Variants in ITSN1 observed in about 807,000 individuals in gnomAD.
ITSN1 encodes intersectin-1.
Under a neutral mutation model 239.8 loss-of-function variants are expected in ITSN1, and 58 were observed. The ratio of observed to expected loss-of-function variants is 0.24; its 90% CI spans 0.20 to 0.30. The LOEUF (loss-of-function observed/expected upper bound fraction) is 0.30. ITSN1 is among the 10% of genes least tolerant of loss of function. The pLI, the probability that ITSN1 is intolerant of heterozygous loss-of-function variation, is 1.00. For missense variants in ITSN1, 1,558 were observed against 2,103.3 expected (o/e 0.74, Z 5.07); for synonymous variants, 780 against 770.8 (o/e 1.01, Z -0.20).
At chr21:33,690,816 TATATATATATATATATATATATGTA>T in intron 1 of ITSN1, among the ~76,000 whole-genome samples, 1 of 34,278 alleles carries the variant, frequency 2.9e-5, no homozygotes, top group South Asian at 7.4e-4. Flanking sequence ...TATATATATG[TATATATATATATATATATATATGTA>T]AAAGTTAAAA....
At chr21:33,794,519 AC>A (rs1237791561) in intron 17 of ITSN1, 51 bp downstream of exon 17, 1 of 1,565,998 alleles carries the variant, frequency 6.4e-7, no homozygotes, top group African/African-American at 1.4e-5. Context: ...TTGAGGATTT[AC>A]TATTCTTTGC....
At position 33,797,395 on chromosome 21, in the gene ITSN1, G is replaced by C. The variant is rs1326003876; in HGVS notation, c.1969G>C (p.Asp657His). Reference protein sequence around the residue: ...EEAQRRAQERDKQWLEHVQQE... With the variant: ...EEAQRRAQERHKQWLEHVQQE... Reference sequence around the variant, plus strand: ...TGTTGGCAGACGAGCTCAGGAAAGGGACAAGCAGTGGCTGGAGCATGTGCA... The same window carrying C: ...TGTTGGCAGACGAGCTCAGGAAAGGCACAAGCAGTGGCTGGAGCATGTGCA... The change falls in exon 18 of 40, where the codon GAC becomes CAC. Residue 657 changes from aspartate (D) to histidine (H), a missense_variant. Asp to His is a moderately conservative substitution (Grantham distance 81). Transcript: ENST00000381318. This position sits in a 1 kb window ranked among gnomAD's most constrained non-coding sequence, Gnocchi z 4.9. 1 of 1,613,920 alleles carries C rather than the reference G, an allele frequency of 6.2e-7. No individual in the cohort carries two copies.
intron 16 of ITSN1, among the ~76,000 whole-genome samples, chr21:33,784,096 T>A (rs1000232189): frequency 6.6e-5 from 10 of 152,200 alleles, no homozygotes; most frequent in African/African-American, 2.2e-4. Flanking sequence ...TGCTTATTTT[T>A]AAATAAGAGT....
chr21:33,847,870 G>T (rs2075033598), intron 29 of ITSN1, among the ~76,000 whole-genome samples: 1 of 152,186 alleles, frequency 6.6e-6, no homozygotes, highest in South Asian at 2.1e-4. Flanking sequence ...TGATCTCCTG[G>T]CTGTACATGG....
chr21:33,836,681 T>A, intron 29 of ITSN1, 49 bp downstream of exon 29: 1 of 1,423,562 alleles, frequency 7.0e-7, no homozygotes, highest in Non-Finnish European at 9.8e-7. Context: ...TATCTTCCCG[T>A]AAAACATGCA....
intron 31 of ITSN1, among the ~76,000 whole-genome samples, chr21:33,861,980 G>A (rs12626378): frequency 9.1e-6 from 1 of 110,130 alleles, no homozygotes; most frequent in Non-Finnish European, 1.7e-5. Context: ...AAAAAGAAAC[G>A]TCATCTCTAC....
At chr21:33,764,197 CTTA>C (rs944385984) in intron 9 of ITSN1, among the ~76,000 whole-genome samples, 11 of 152,164 alleles carry the variant, frequency 7.2e-5, no homozygotes, top group African/African-American at 2.7e-4. Context: ...TCATTTATAA[CTTA>C]TCCTATTTGA....
At chr21:33,871,121 A>G (rs539230210) in intron 33 of ITSN1, among the ~76,000 whole-genome samples, 1 of 150,938 alleles carries the variant, frequency 6.6e-6, no homozygotes, top group Non-Finnish European at 1.5e-5. Flanking sequence ...ACAGAGTGGG[A>G]CTCTGTCTCA....
chr21:33,795,701 C>A (rs1281777124), intron 17 of ITSN1, among the ~76,000 whole-genome samples: 3 of 151,960 alleles, frequency 2.0e-5, no homozygotes, highest in Non-Finnish European at 4.4e-5. Context: ...CCTTTTCTTA[C>A]CCCCAGAGTT....
chr21:33,769,554 GCAGATTTGGTTCC>G (rs1262978029), intron 11 of ITSN1, among the ~76,000 whole-genome samples: 1 of 152,196 alleles, frequency 6.6e-6, no homozygotes, highest in African/African-American at 2.4e-5. Context: ...ATCACGGTGT[GCAGATTTGGTTCC>G]CAGTGAGGGC....
chr21:33,743,492 G>T (rs2066990048), intron 5 of ITSN1, among the ~76,000 whole-genome samples: 1 of 151,780 alleles, frequency 6.6e-6, no homozygotes, highest in African/African-American at 2.4e-5. Context: ...AAATGGAAAA[G>T]ATATAAAAAG....
Position 33,716,476 on chromosome 21 carries a change from C to T in ITSN1, c.-32-2321C>T, listed in dbSNP as rs117145466. The T allele has an allele frequency of 5.4e-3, 817 of 152,380 alleles. 2 individuals carry two copies. Among genetic ancestry groups the T allele is most frequent in the Middle Eastern group, 0.01 (3 of 298 alleles). The allele number at this position is 152,380 out of a possible 1,614,324, so 9.4% of individuals were successfully genotyped here. On this transcript the variant is annotated intron_variant, in intron 1 of 39. Transcript: ENST00000381318. Reference sequence around the variant, plus strand: ...TCCCTTCACACCCCACCCAGCAGTTCGTTCTACCTGGCAAAACTTAACAGC... The same window carrying T: ...TCCCTTCACACCCCACCCAGCAGTTTGTTCTACCTGGCAAAACTTAACAGC...
chr21:33,787,244 G>A (rs1036038527), intron 16 of ITSN1, among the ~76,000 whole-genome samples: 9 of 152,146 alleles, frequency 5.9e-5, no homozygotes, highest in Admixed American at 1.3e-4. Flanking sequence ...ATGTGAAAGC[G>A]CTCAGTTGTT....
intron 1 of ITSN1, among the ~76,000 whole-genome samples, chr21:33,706,812 T>TGAG (rs748890836): frequency 5.3e-5 from 8 of 152,300 alleles, no homozygotes; most frequent in South Asian, 4.1e-4. Context: ...AACCTCTGCC[T>TGAG]TCTGGGTTCA....
intron 1 of ITSN1, among the ~76,000 whole-genome samples, chr21:33,655,474 G>GC (rs1223975460): frequency 6.6e-6 from 1 of 151,844 alleles, no homozygotes; most frequent in Non-Finnish European, 1.5e-5. Context: ...GCTGGAGTGT[G>GC]CAGCGGTGCA....
intron 27 of ITSN1, among the ~76,000 whole-genome samples, chr21:33,830,914 G>A (rs2074258784): frequency 6.7e-6 from 1 of 149,574 alleles, no homozygotes; most frequent in South Asian, 2.2e-4. Context: ...GGGGAGGGAG[G>A]GAGAACGCGC....
intron 12 of ITSN1, among the ~76,000 whole-genome samples, chr21:33,773,773 G>A (rs1199284889): frequency 1.3e-5 from 2 of 151,678 alleles, no homozygotes; most frequent in Non-Finnish European, 2.9e-5. Flanking sequence ...TTCACCTCCT[G>A]GGTTCAAGTG....
At chr21:33,748,565 C>T (rs2067328796) in intron 5 of ITSN1, among the ~76,000 whole-genome samples, 1 of 152,010 alleles carries the variant, frequency 6.6e-6, no homozygotes, top group South Asian at 2.1e-4. Flanking sequence ...AAAGGTCAGA[C>T]ATGGTGACTC....
At chr21:33,645,302 AGT>A (rs1209501598) in intron 1 of ITSN1, among the ~76,000 whole-genome samples, 1 of 152,124 alleles carries the variant, frequency 6.6e-6, no homozygotes, top group Non-Finnish European at 1.5e-5. Flanking sequence ...GGTTTCTTAA[AGT>A]GTGGGCCTCA....
Sources: allele counts gnomAD v4.1 joint callset (sites outside exome capture counted in the v4.1 genomes callset), GRCh38; gene constraint gnomAD v4.1.1; non-coding constraint Gnocchi (gnomAD v3.1); transcripts MANE v1.5; gene names NCBI Gene and HGNC (gene_info 2026-07-23, HGNC 2026-07-21).